The following KCNG4 variants were observed in gnomAD, a reference collection of about 807,000 sequenced individuals.
KCNG4 encodes the protein potassium voltage-gated channel modifier subfamily G member 4.
Under a neutral mutation model 28.2 loss-of-function variants are expected in KCNG4, and 30 were observed. The ratio of observed to expected loss-of-function variants is 1.06; its 90% CI spans 0.80 to 1.44. The LOEUF (loss-of-function observed/expected upper bound fraction) is 1.44. Ranked by LOEUF, KCNG4 falls within the 40% of genes most tolerant of loss-of-function variation. The pLI is 0.00. For synonymous variants in KCNG4, 375 were observed against 315.5 expected, an observed-to-expected ratio of 1.19 and a Z score of -2.00; for missense variants, 879 against 712.3, an observed-to-expected ratio of 1.23 and a Z score of -2.66.
At position 84,230,336 on chromosome 16, in the gene KCNG4, C is replaced by T. The variant is rs192210459; in HGVS notation, c.756+6394G>A. On this transcript the variant is annotated intron_variant, in intron 2 of 2. Coordinates refer to ENST00000308251, the MANE Select transcript of KCNG4 (RefSeq NM_172347.3). ...AGGAGAATCGCTTGAACTCAGGAGGCAGACGTTGCAGTAAGTTGATATCGC... is the reference window on the plus strand; with the variant it reads ...AGGAGAATCGCTTGAACTCAGGAGGTAGACGTTGCAGTAAGTTGATATCGC... Among the ~76,000 whole-genome samples, 190 of 139,826 alleles carry T rather than the reference C, an allele frequency of 1.4e-3. 4 individuals carry two copies. Among genetic ancestry groups the T allele is most frequent in the Non-Finnish European group, 6.4e-4 (43 of 66,792 alleles). The allele number at this position is 139,826 out of a possible 152,430, so 91.7% of individuals were successfully genotyped here.
At chr16:84,232,437 G>T (rs947418540) in intron 2 of KCNG4, among the ~76,000 whole-genome samples, 1 of 152,186 alleles carries the variant, frequency 6.6e-6, no homozygotes, top group Non-Finnish European at 1.5e-5. Flanking sequence ...AGAGGAAGGA[G>T]GAGAGACTGC....
Position 84,228,243 on chromosome 16 carries a change from G to A in KCNG4, c.757-5223C>T, listed in dbSNP as rs112524689. On this transcript the variant is annotated intron_variant, in intron 2 of 2. Transcript: ENST00000308251. ...CAGTCTTGACCTTGGAGACTTCCTC[G>A]CCCCCTCTGTCCCTCCCAGCAAAAT... is the stretch of plus-strand genomic sequence containing the variant. Among the ~76,000 whole-genome samples, 838 of 152,270 alleles carry A rather than the reference G, an allele frequency of 5.5e-3. 10 individuals carry two copies. Among genetic ancestry groups the A allele is most frequent in the African/African-American group, 0.019 (779 of 41,546 alleles).
rs533203084 is a variant in KCNG4 at position 84,226,827 on chromosome 16, C to G, written c.757-3807G>C. Reference sequence around the variant, plus strand: ...CTGGTAGGCGGAGGTTGCAGTGAGCCGAGATTGCACCACTGCACTGCAGCC... The same window carrying G: ...CTGGTAGGCGGAGGTTGCAGTGAGCGGAGATTGCACCACTGCACTGCAGCC... On this transcript the variant is annotated intron_variant, in intron 2 of 2. Transcript: ENST00000308251. The surrounding 1 kb of genome is among the most constrained non-coding windows in gnomAD (Gnocchi z 4.1). 6.6e-6 allele frequency among the ~76,000 whole-genome samples: 1 copy of G among 151,776 alleles called. No homozygotes were observed. The highest frequency in any genetic ancestry group is 2.4e-5 in the African/African-American group (1 of 41,330).
intron 1 of KCNG4, among the ~76,000 whole-genome samples, chr16:84,238,397 C>T (rs970964004): frequency 2.0e-5 from 3 of 152,316 alleles, no homozygotes; most frequent in Admixed American, 6.5e-5. Context: ...CCACCAGTCT[C>T]GCTTAATCCC....
intron 2 of KCNG4, among the ~76,000 whole-genome samples, chr16:84,231,912 G>A (rs1019392685): frequency 6.6e-6 from 1 of 151,352 alleles, no homozygotes; most frequent in South Asian, 2.1e-4. Flanking sequence ...GCTGAGGCAG[G>A]AGAATTGTTT....
In KCNG4 at chr16:84,237,155, ACTC is replaced by A. The variant is rs759678222; in HGVS notation, c.328_330del (p.Glu110del). 4.3e-6 allele frequency: 7 copies of A among 1,613,706 alleles called. No individual in the cohort carries two copies. In the African/African-American group the frequency reaches 5.3e-5, roughly 12 times the overall value. On this transcript the variant is annotated inframe_deletion, in exon 2 of 3. Coordinates refer to ENST00000308251, the MANE Select transcript of KCNG4 (RefSeq NM_172347.3). ...GCGCTGGGGCTCCTGTCGAAGAAGA[ACTC>A]CTGGCTGTCCTCGTCGTAATCATCG... is the stretch of plus-strand genomic sequence containing the variant.
chr16:84,234,976 G>C (rs1305849341), intron 2 of KCNG4, among the ~76,000 whole-genome samples: 1 of 152,168 alleles, frequency 6.6e-6, no homozygotes, highest in East Asian at 1.9e-4. Flanking sequence ...CACACACAAA[G>C]ATGCTTTCAC....
intron 2 of KCNG4, among the ~76,000 whole-genome samples, chr16:84,225,095 T>G (rs1299963513): frequency 6.6e-6 from 1 of 152,160 alleles, no homozygotes; most frequent in Non-Finnish European, 1.5e-5. Flanking sequence ...TGTAGCCATT[T>G]TAACCGAACT....
chr16:84,238,999 A>G (rs573141368), intron 1 of KCNG4, among the ~76,000 whole-genome samples: 3 of 152,298 alleles, frequency 2.0e-5, no homozygotes, highest in South Asian at 2.1e-4. Flanking sequence ...CCTTTTCATA[A>G]TATTTCTCAC....
chr16:84,236,781 G>A lies in KCNG4; in HGVS notation c.705C>T (p.Ala235=), dbSNP rs368707865. The change falls in exon 2 of 3, where the codon GCC becomes GCT. Residue 235 remains alanine (A), a synonymous_variant. Coordinates refer to ENST00000308251, the MANE Select transcript of KCNG4 (RefSeq NM_172347.3). ...GCATGGTGCTGACACACAGGCTGAC[G>A]GCTGTGGTGGCCACGAAGAGGATGG... ...CLSILFVATT[A]VSLCVSTMPD... 6.8e-6 allele frequency: 11 copies of A among 1,613,732 alleles called. No individual in the cohort carries two copies. The highest frequency in any genetic ancestry group is 4.4e-5 in the South Asian group (4 of 91,080).
At chr16:84,231,282 G>C (rs1233261116) in intron 2 of KCNG4, among the ~76,000 whole-genome samples, 3 of 152,206 alleles carry the variant, frequency 2.0e-5, no homozygotes, top group African/African-American at 7.2e-5. Flanking sequence ...CCAGGGAGTG[G>C]GAGAGCTGGG....
At chr16:84,225,589 GA>G (rs1317170425) in intron 2 of KCNG4, among the ~76,000 whole-genome samples, 1 of 152,238 alleles carries the variant, frequency 6.6e-6, no homozygotes, top group Non-Finnish European at 1.5e-5. Context: ...TCTCTTTGCA[GA>G]CATCCTGGGA....
At chr16:84,230,387 A>G (rs933360692) in intron 2 of KCNG4, among the ~76,000 whole-genome samples, 3 of 116,118 alleles carry the variant, frequency 2.6e-5, no homozygotes, top group Non-Finnish European at 5.0e-5. Context: ...CCTGGGTGAC[A>G]GTGAGACTTC....
At chr16:84,231,730 G>C (rs777367163) in intron 2 of KCNG4, among the ~76,000 whole-genome samples, 1 of 152,170 alleles carries the variant, frequency 6.6e-6, no homozygotes, top group South Asian at 2.1e-4. Context: ...GGGGTCGGGC[G>C]TGGTGGCTCA....
At chr16:84,227,853 T>G (rs560171209) in intron 2 of KCNG4, among the ~76,000 whole-genome samples, 1 of 152,104 alleles carries the variant, frequency 6.6e-6, no homozygotes, top group South Asian at 2.1e-4. Flanking sequence ...TCCACTTATG[T>G]GAGATGTCCA....
Position 84,236,561 on chromosome 16 carries a change from A to G in KCNG4, c.756+169T>C, listed in dbSNP as rs964116679. The G allele has an allele frequency of 7.9e-6, 7 of 882,162 alleles. No individual in the cohort carries two copies. In the African/African-American group the frequency reaches 1.2e-4, roughly 15 times the overall value. 54.6% of individuals were successfully genotyped at this position (882,162 alleles called of 1,614,324 possible). A position where few individuals can be genotyped will look rare whatever the true frequency, so the allele number is the denominator to read the frequency against. ...CCAATAAAAAAAAAAAAGATGGAAAATTATCTTTTATGACTGATGGCCTAA... is the reference window on the plus strand; with the variant it reads ...CCAATAAAAAAAAAAAAGATGGAAAGTTATCTTTTATGACTGATGGCCTAA... On this transcript the variant is annotated intron_variant, in intron 2 of 2. Coordinates refer to ENST00000308251, the MANE Select transcript of KCNG4 (RefSeq NM_172347.3).
rs1904538042 is a variant in KCNG4, at chr16:84,220,740, G to A, written c.*1477C>T. The A allele has an allele frequency of 6.6e-6, 1 of 152,274 alleles. No homozygotes were observed. The highest frequency in any genetic ancestry group is 1.5e-5 in the Non-Finnish European group (1 of 68,082). 9.4% of individuals were successfully genotyped at this position (152,274 alleles called of 1,614,324 possible). The stretch of plus-strand genomic sequence containing the variant: ...GGATGTCTCCAAGGTGTGTCCTGCT[G>A]GGAGAAGCCAGGATTTGACAGAATC... On this transcript the variant is annotated 3_prime_UTR_variant, in exon 3 of 3. Transcript: ENST00000308251.
chr16:84,236,912 G>T lies in KCNG4; in HGVS notation c.574C>A (p.Arg192Ser), dbSNP rs544548852. The part of the protein sequence containing the change: ...DVLRQQRETR[R>S]PASHSSRWGL... The stretch of plus-strand genomic sequence containing the variant: ...CAGCGCGAGGAGTGCGAGGCGGGGC[G>T]GCGGGTCTCCCTCTGCTGCCTCAGT... Residue 192 changes from arginine (R) to serine (S), a missense_variant, in exon 2 of 3, where the codon CGC (arginine) becomes AGC (serine). Coordinates refer to ENST00000308251, the MANE Select transcript of KCNG4 (RefSeq NM_172347.3). 1 of 1,613,476 alleles carries T rather than the reference G, an allele frequency of 6.2e-7. No individual in the cohort carries two copies. Among genetic ancestry groups the T allele is most frequent in the Non-Finnish European group, 8.5e-7 (1 of 1,180,006 alleles).
Position 84,222,592 on chromosome 16 carries a change from C to G in KCNG4, c.1185G>C (p.Glu395Asp), listed in dbSNP as rs771087975. 2.5e-6 allele frequency: 4 copies of G among 1,613,334 alleles called. No homozygotes were observed. The highest frequency in any genetic ancestry group is 2.2e-5 in the East Asian group (1 of 44,874). ...FSPLVYVAEK[E>D]SGRVLEFTSI... is the part of the protein sequence containing the mutation. ...TGGTGAACTCCAGCACCCGCCCGGA[C>G]TCCTTCTCGGCCACGTAGACCAAAG... Residue 395 changes from glutamate (E) to aspartate (D), a missense_variant, in exon 3 of 3, where the codon GAG becomes GAC. Coordinates refer to ENST00000308251, the MANE Select transcript of KCNG4 (RefSeq NM_172347.3).
Sources: allele counts gnomAD v4.1 joint callset (sites outside exome capture counted in the v4.1 genomes callset), GRCh38; gene constraint gnomAD v4.1.1; non-coding constraint Gnocchi (gnomAD v3.1); transcripts MANE v1.5; gene names NCBI Gene and HGNC (gene_info 2026-07-23, HGNC 2026-07-21).